The following CLECL1 variants were observed in gnomAD, a reference collection of about 807,000 sequenced individuals.
The protein encoded by CLECL1 is C-type lectin-like domain family 1.
At chr12:9,728,087 T>C (rs959852879) in intron 2 of CLECL1, among the ~76,000 whole-genome samples, 7 of 151,988 alleles carry the variant, frequency 4.6e-5, no homozygotes, top group Middle Eastern at 3.4e-3. Context: ...GATTTGTTCC[T>C]TTGAGATTCT....
At chr12:9,709,602 A>C in the CLECL1 span, among the ~76,000 whole-genome samples, 1 of 152,246 alleles carries the variant, frequency 6.6e-6, no homozygotes, top group African/African-American at 2.4e-5. Flanking sequence ...ACTGAGAAAC[A>C]GTCCACTCTG....
intron 1 of CLECL1, among the ~76,000 whole-genome samples, chr12:9,730,937 C>T (rs146560890): frequency 1.3e-5 from 2 of 152,266 alleles, no homozygotes; most frequent in Admixed American, 6.5e-5. Context: ...CCTCCTTCCT[C>T]GGCATCCCAA....
chr12:9,710,197 C>T, the CLECL1 span, among the ~76,000 whole-genome samples: 1 of 152,112 alleles, frequency 6.6e-6, no homozygotes, highest in Non-Finnish European at 1.5e-5. Context: ...CATGTTTAAC[C>T]CATGCATACT....
chr12:9,726,582 G>C (rs907214470), intron 3 of CLECL1, among the ~76,000 whole-genome samples: 3 of 151,934 alleles, frequency 2.0e-5, no homozygotes, highest in African/African-American at 7.2e-5. Flanking sequence ...TGGTTGAATA[G>C]ATCAACTACG....
upstream of CLECL1, chr12:9,733,056 A>C: frequency 1.2e-6 from 2 of 1,614,164 alleles, no homozygotes; most frequent in Non-Finnish European, 1.7e-6. Flanking sequence ...GAGAGAGAAG[A>C]CCACAAATGA....
At chr12:9,709,443 T>C in the CLECL1 span, 3 of 152,380 alleles carry the variant, frequency 2.0e-5, no homozygotes, top group Non-Finnish European at 4.4e-5. Flanking sequence ...CCAGGTCTCC[T>C]TCTCCCTACA....
At chr12:9,710,532 CCTAA>C in the CLECL1 span, among the ~76,000 whole-genome samples, 4 of 152,284 alleles carry the variant, frequency 2.6e-5, no homozygotes, top group East Asian at 1.9e-4. Context: ...CACTCACGGA[CCTAA>C]CTGAGAACAG....
chr12:9,705,461 T>C, the CLECL1 span, among the ~76,000 whole-genome samples: 1 of 152,208 alleles, frequency 6.6e-6, no homozygotes, highest in African/African-American at 2.4e-5. Context: ...GGCATCTTCG[T>C]CATGAAATAT....
At chr12:9,718,321 T>C (rs1866261849), downstream of CLECL1, among the ~76,000 whole-genome samples, 1 of 151,704 alleles carries the variant, frequency 6.6e-6, no homozygotes, top group Non-Finnish European at 1.5e-5. Flanking sequence ...TTAAATCTAG[T>C]TGGTTGTTAT....
chr12:9,719,322 C>T (rs534471125), downstream of CLECL1, among the ~76,000 whole-genome samples: 2 of 152,006 alleles, frequency 1.3e-5, no homozygotes, highest in East Asian at 1.9e-4. Flanking sequence ...GTCAGGAGAT[C>T]GAGACCATCC....
downstream of CLECL1, among the ~76,000 whole-genome samples, chr12:9,714,552 A>G (rs1452625103): frequency 2.0e-5 from 3 of 152,220 alleles, no homozygotes; most frequent in African/African-American, 7.2e-5. Flanking sequence ...TCCACCATGT[A>G]ACTGTTTTTG....
At chr12:9,730,609 A>G (rs966995697) in intron 1 of CLECL1, among the ~76,000 whole-genome samples, 24 of 152,358 alleles carry the variant, frequency 1.6e-4, no homozygotes, top group African/African-American at 5.8e-4. Flanking sequence ...CTCATCAGAC[A>G]AAACAGTCAA....
At chr12:9,733,684 CTG>C (rs1866482315), upstream of CLECL1, among the ~76,000 whole-genome samples, 2 of 152,070 alleles carry the variant, frequency 1.3e-5, no homozygotes, top group Admixed American at 1.3e-4. Context: ...AGAAATAACT[CTG>C]TTAAAATAAT....
chr12:9,716,157 AC>A (rs1307972042), exon 3 of CLECL1: 1 of 151,954 alleles, frequency 6.6e-6, no homozygotes, highest in Non-Finnish European at 1.5e-5. Flanking sequence ...CACTCTCACC[AC>A]TGTGTTTCTG....
intron 3 of CLECL1, among the ~76,000 whole-genome samples, chr12:9,726,850 A>C (rs2121058056): frequency 6.6e-6 from 1 of 152,004 alleles, no homozygotes; most frequent in East Asian, 1.9e-4. Flanking sequence ...GTTAAGAAAA[A>C]TATTAACTTA....
the CLECL1 span, among the ~76,000 whole-genome samples, chr12:9,702,607 C>T: frequency 2.0e-5 from 3 of 152,168 alleles, no homozygotes; most frequent in Admixed American, 1.3e-4. Flanking sequence ...CCCTGCTTCC[C>T]ACCCATATCA....
intron 1 of CLECL1, among the ~76,000 whole-genome samples, chr12:9,731,268 T>G (rs559283036): frequency 2.0e-5 from 3 of 152,252 alleles, no homozygotes; most frequent in East Asian, 1.9e-4. Context: ...GCGATTCATT[T>G]ATTTATTCAG....
intron 1 of CLECL1, 146 bp downstream of exon 1, chr12:9,732,803 A>G: frequency 1.7e-6 from 1 of 597,696 alleles, no homozygotes; most frequent in Non-Finnish European, 2.7e-6. Flanking sequence ...TTCATTAAAA[A>G]CATTCGCTCT....
downstream of CLECL1, chr12:9,722,610 G>T: frequency 6.3e-7 from 1 of 1,583,752 alleles, no homozygotes; most frequent in Non-Finnish European, 8.6e-7. Flanking sequence ...TGCCAGTGTG[G>T]GGGATGCTGT....
Sources: allele counts gnomAD v4.1 joint callset (sites outside exome capture counted in the v4.1 genomes callset), GRCh38; gene constraint gnomAD v4.1.1; transcripts MANE v1.5; gene names NCBI Gene and HGNC (gene_info 2026-07-23, HGNC 2026-07-21).